Variants in BMPER observed in about 807,000 individuals in gnomAD.
BMPER encodes the protein BMP binding endothelial regulator.
In BMPER, 45 loss-of-function variants were observed where a neutral mutation model predicts 87.3. That is an observed-to-expected ratio of 0.52 (90% CI 0.41 to 0.66). The LOEUF is 0.66. BMPER is among the 30% of genes least tolerant of loss of function. The probability of loss-of-function intolerance (pLI) is 0.00; values close to 1 mark genes in which losing one functional copy is unlikely to be tolerated. For synonymous variants in BMPER, 326 were observed against 316.2 expected (o/e 1.03, Z -0.33); for missense variants, 784 against 867.5 (o/e 0.90, Z 1.21).
chr7:33,947,483 G>GT (rs1784916683), intron 3 of BMPER, among the ~76,000 whole-genome samples: 1 of 151,892 alleles, frequency 6.6e-6, no homozygotes, highest in Admixed American at 6.6e-5. Flanking sequence ...GTTTTGTCTT[G>GT]TTTTTCTATG....
chr7:34,077,018 A>C (rs985476630), intron 11 of BMPER, among the ~76,000 whole-genome samples: 1 of 152,222 alleles, frequency 6.6e-6, no homozygotes, highest in South Asian at 2.1e-4. Context: ...GCATCTGGTC[A>C]TCAGGTTACT....
At chr7:33,934,668 G>A (rs1324205154) in intron 2 of BMPER, among the ~76,000 whole-genome samples, 1 of 152,188 alleles carries the variant, frequency 6.6e-6, no homozygotes, top group African/African-American at 2.4e-5. Context: ...AGTCAGCAGA[G>A]TTCCTATATT....
intron 6 of BMPER, among the ~76,000 whole-genome samples, chr7:34,025,822 T>C (rs935777585): frequency 3.3e-5 from 5 of 152,022 alleles, no homozygotes; most frequent in Non-Finnish European, 5.9e-5. Flanking sequence ...GGACAAGCGC[T>C]GGATATAGAG....
intron 5 of BMPER, among the ~76,000 whole-genome samples, chr7:33,971,692 A>G (rs913186551): frequency 6.6e-6 from 1 of 152,162 alleles, no homozygotes; most frequent in African/African-American, 2.4e-5. Context: ...ATCCTTAAAA[A>G]AATCAATCTT....
intron 6 of BMPER, among the ~76,000 whole-genome samples, chr7:34,010,920 G>A (rs1266842354): frequency 6.6e-6 from 1 of 151,800 alleles, no homozygotes; most frequent in Non-Finnish European, 1.5e-5. Flanking sequence ...TAGTAATTTG[G>A]TGTTCGGAAT....
chr7:34,149,001 A>G (rs763371434), intron 14 of BMPER, among the ~76,000 whole-genome samples: 8 of 152,172 alleles, frequency 5.3e-5, no homozygotes, highest in Non-Finnish European at 1.2e-4. Context: ...AAAAGGAATG[A>G]TGGGTTGAAT....
intron 6 of BMPER, among the ~76,000 whole-genome samples, chr7:33,997,239 T>C (rs1786439036): frequency 6.6e-6 from 1 of 152,192 alleles, no homozygotes; most frequent in Non-Finnish European, 1.5e-5. Context: ...CTATTATTTT[T>C]CCAAGTTAAA....
intron 11 of BMPER, 75 bp downstream of exon 11, chr7:34,062,122 G>T: frequency 7.5e-7 from 1 of 1,335,122 alleles, no homozygotes; most frequent in Admixed American, 1.8e-5. Flanking sequence ...AAATAGGGGT[G>T]TATGTTTCCC....
At chr7:34,084,863 T>A (rs1305008564) in intron 12 of BMPER, among the ~76,000 whole-genome samples, 1 of 152,242 alleles carries the variant, frequency 6.6e-6, no homozygotes, top group Non-Finnish European at 1.5e-5. Flanking sequence ...GGTATATGCA[T>A]ACTTTCAGAT....
At chr7:33,990,549 T>A (rs1373088175) in intron 6 of BMPER, among the ~76,000 whole-genome samples, 1 of 151,198 alleles carries the variant, frequency 6.6e-6, no homozygotes, top group Non-Finnish European at 1.5e-5. Context: ...TATACAATCA[T>A]GTCATCTGCA....
upstream of BMPER, chr7:33,905,427 A>G: frequency 1.1e-5 from 1 of 93,990 alleles, no homozygotes. Flanking sequence ...GCGCCCCCAC[A>G]CCTTGGTCTC....
At chr7:34,001,061 A>T (rs993761968) in intron 6 of BMPER, among the ~76,000 whole-genome samples, 2 of 151,642 alleles carry the variant, frequency 1.3e-5, no homozygotes, top group Non-Finnish European at 3.0e-5. Flanking sequence ...TTTTTTATAT[A>T]TTGTTGTACT....
At chr7:34,064,805 C>A (rs1318139023) in intron 11 of BMPER, among the ~76,000 whole-genome samples, 2 of 152,192 alleles carry the variant, frequency 1.3e-5, no homozygotes, top group Non-Finnish European at 2.9e-5. Flanking sequence ...GCAGTTCTTC[C>A]ATCATTGCTG....
At chr7:34,043,182 A>G (rs1323412312) in intron 6 of BMPER, among the ~76,000 whole-genome samples, 1 of 152,232 alleles carries the variant, frequency 6.6e-6, no homozygotes, top group East Asian at 1.9e-4. Context: ...AAAGTAGGCT[A>G]ATGAGATAAT....
At chr7:34,062,815 G>GT (rs1788474125) in intron 11 of BMPER, among the ~76,000 whole-genome samples, 1 of 152,180 alleles carries the variant, frequency 6.6e-6, no homozygotes, top group Non-Finnish European at 1.5e-5. Context: ...AAAAGGTATA[G>GT]TAAAAATGCA....
Position 34,085,768 on chromosome 7 carries a change from C to G in BMPER, c.1421C>G (p.Ser474Cys). 6.2e-7 allele frequency: 1 copy of G among 1,613,956 alleles called. No individual in the cohort carries two copies. Among genetic ancestry groups the G allele is most frequent in the Non-Finnish European group, 8.5e-7 (1 of 1,179,884 alleles). Residue 474 changes from serine (S) to cysteine (C), a missense_variant, in exon 13 of 15, where the codon TCT becomes TGT. Transcript: ENST00000649409. ...KVTTKAGLEI[S>C]WDGDSFVEVM... ...CCTCCTCCTCTAGGTTTGGAAATAT[C>G]TTGGGATGGAGACAGTTTTGTAGAA...
chr7:33,977,288 A>AG (rs1204030051), intron 6 of BMPER, among the ~76,000 whole-genome samples: 15 of 151,944 alleles, frequency 9.9e-5, no homozygotes, highest in Non-Finnish European at 2.1e-4. Flanking sequence ...AAAAAAAAAA[A>AG]GTAATGTCTT....
chr7:34,038,828 A>G (rs1404736146), intron 6 of BMPER, among the ~76,000 whole-genome samples: 5 of 152,172 alleles, frequency 3.3e-5, no homozygotes, highest in African/African-American at 1.2e-4. Flanking sequence ...ATCAGAGTTG[A>G]GTTTTATTTC....
In BMPER at chr7:34,085,797, A is replaced by G. The variant is rs780082264; in HGVS notation, c.1450A>G (p.Met484Val). The G allele has an allele frequency of 8.1e-6, 13 of 1,614,226 alleles. No homozygotes were observed. The highest frequency in any genetic ancestry group is 2.2e-5 in the East Asian group (1 of 44,884). The change falls in exon 13 of 15, where the codon ATG becomes GTG. Residue 484 changes from methionine to valine, a missense_variant. Transcript: ENST00000649409. The part of the protein sequence containing the change: ...SWDGDSFVEV[M>V]AAPHLKGKLC... ...GGATGGAGACAGTTTTGTAGAAGTCATGGCTGCGCCGCATCTCAAGGGCAA... is the reference window on the plus strand; with the variant it reads ...GGATGGAGACAGTTTTGTAGAAGTCGTGGCTGCGCCGCATCTCAAGGGCAA...
Sources: allele counts gnomAD v4.1 joint callset (sites outside exome capture counted in the v4.1 genomes callset), GRCh38; gene constraint gnomAD v4.1.1; transcripts MANE v1.5; gene names NCBI Gene and HGNC (gene_info 2026-07-23, HGNC 2026-07-21).